Variants in MESD observed in about 807,000 individuals in gnomAD.
MESD encodes mesoderm development LRP chaperone, also known as LRP chaperone MESD.
A neutral mutation model predicts 12.9 loss-of-function variants in MESD; 7 were observed. The observed-to-expected ratio is 0.54, with a 90% CI of 0.31 to 1.02. The LOEUF is 1.02. MESD is among the 50% of genes least tolerant of loss of function. MESD has a pLI of 0.05. For missense variants in MESD, 342 were observed against 296.7 expected (o/e 1.15, Z -1.12); for synonymous variants, 126 against 115.6 (o/e 1.09, Z -0.58).
chr15:80,980,539 G>A (rs74028147), intron 2 of MESD, among the ~76,000 whole-genome samples: 22,097 of 152,052 alleles, frequency 0.15, 1,615 homozygotes, highest in Middle Eastern at 0.19. Flanking sequence ...TATTAACTTT[G>A]TCCCTCAAAG....
In MESD at chr15:80,952,786, A is replaced by C. The variant is rs563467181; in HGVS notation, c.*289-490T>G. ...GCATAAAGTCAGCTGTGCAGTAGAGAGTACACGGCCTCTACCTTCAGGAAA... is the reference window on the plus strand; with the variant it reads ...GCATAAAGTCAGCTGTGCAGTAGAGCGTACACGGCCTCTACCTTCAGGAAA... On this transcript the variant is annotated intron_variant, in intron 3 of 4. Transcript: ENST00000561312. 2.0e-5 allele frequency among the ~76,000 whole-genome samples: 3 copies of C among 152,318 alleles called. No homozygotes were observed. In the South Asian group the frequency reaches 6.2e-4, roughly 32 times the overall value.
intron 3 of MESD, among the ~76,000 whole-genome samples, chr15:80,957,888 C>G (rs1280118193): frequency 6.6e-6 from 1 of 150,444 alleles, no homozygotes; most frequent in African/African-American, 2.5e-5. Context: ...CCCCCACCCC[C>G]ATATTAGGGA....
At chr15:80,980,069 C>G (rs1462345682) in intron 2 of MESD, among the ~76,000 whole-genome samples, 1 of 152,208 alleles carries the variant, frequency 6.6e-6, no homozygotes, top group Non-Finnish European at 1.5e-5. Context: ...CTGGGTGGAG[C>G]CCTAGTGTGG....
intron 3 of MESD, among the ~76,000 whole-genome samples, chr15:80,965,190 C>A (rs2141794253): frequency 6.6e-6 from 1 of 152,272 alleles, no homozygotes; most frequent in Non-Finnish European, 1.5e-5. Flanking sequence ...ATGCAGCCAA[C>A]AGACATATGA....
intron 3 of MESD, among the ~76,000 whole-genome samples, chr15:80,954,368 G>A (rs114999316): frequency 0.012 from 1,830 of 152,302 alleles, 50 homozygotes; most frequent in African/African-American, 0.042. Context: ...CGACCCTAGC[G>A]CAACCCTCCT....
At chr15:80,964,187 C>G (rs1449912441) in intron 3 of MESD, among the ~76,000 whole-genome samples, 1 of 152,124 alleles carries the variant, frequency 6.6e-6, no homozygotes, top group Non-Finnish European at 1.5e-5. Flanking sequence ...AACAGGAACA[C>G]ACAAACAGAG....
intron 3 of MESD, among the ~76,000 whole-genome samples, chr15:80,969,236 A>C (rs1359592525): frequency 1.3e-5 from 2 of 152,152 alleles, no homozygotes; most frequent in Non-Finnish European, 2.9e-5. Context: ...AGACCTGCAC[A>C]CAGTGGGTAG....
chr15:80,975,702 G>A (rs1596232744), downstream of MESD: 1 of 151,976 alleles, frequency 6.6e-6, no homozygotes, highest in Non-Finnish European at 1.5e-5. Flanking sequence ...AAACCAGAAA[G>A]CCTGAGGATG....
At chr15:80,973,639 CAGG>C (rs1199670444), downstream of MESD, among the ~76,000 whole-genome samples, 2 of 152,208 alleles carry the variant, frequency 1.3e-5, no homozygotes, top group Admixed American at 1.3e-4. Flanking sequence ...CCACAGACTG[CAGG>C]AGAAGGTGGT....
intron 3 of MESD, among the ~76,000 whole-genome samples, chr15:80,958,890 C>T (rs1180269522): frequency 3.3e-5 from 5 of 152,076 alleles, no homozygotes; most frequent in East Asian, 3.9e-4. Flanking sequence ...CTAGAGTAGC[C>T]GTGAAGGACT....
intron 3 of MESD, among the ~76,000 whole-genome samples, chr15:80,958,891 G>A (rs763207086): frequency 2.6e-5 from 4 of 152,184 alleles, no homozygotes; most frequent in African/African-American, 4.8e-5. Flanking sequence ...TAGAGTAGCC[G>A]TGAAGGACTT....
At chr15:80,947,643 C>T (rs1042766112) in exon 5 of MESD, 1 of 155,302 alleles carries the variant, frequency 6.4e-6, no homozygotes, top group African/African-American at 2.4e-5. Context: ...CCATTATCAT[C>T]ACAAAAACTA....
chr15:80,966,925 C>A (rs1313623479), intron 3 of MESD, among the ~76,000 whole-genome samples: 1 of 152,176 alleles, frequency 6.6e-6, no homozygotes, highest in African/African-American at 2.4e-5. Context: ...TTAAATTCCT[C>A]TGGGAAATGC....
chr15:80,947,285 C>T (rs564003950), downstream of MESD: 28 of 520,382 alleles, frequency 5.4e-5, no homozygotes, highest in East Asian at 8.1e-4. Context: ...TTATAACTTG[C>T]CACCAGCCAC....
Position 80,981,939 on chromosome 15 carries a change from T to G in MESD, c.446+11A>C. 4 of 1,583,382 alleles carry G rather than the reference T, an allele frequency of 2.5e-6. No individual in the cohort carries two copies. In the South Asian group the frequency reaches 4.4e-5, roughly 18 times the overall value. ...GCCTATGAGTCTCTCAGCTGGTTGT[T>G]GCTGCTTTACCTCTGGACGTCATAG... On this transcript the variant is annotated intron_variant, in intron 2 of 2. Transcript: ENST00000261758.
chr15:80,988,495 A>G (rs1187896580), intron 1 of MESD, among the ~76,000 whole-genome samples: 1 of 152,202 alleles, frequency 6.6e-6, no homozygotes, highest in Non-Finnish European at 1.5e-5. Context: ...CCAAAAAGAG[A>G]CAAGGAGATT....
intron 4 of MESD, chr15:80,948,916 A>T (rs1466978961): frequency 1.9e-6 from 3 of 1,611,204 alleles, no homozygotes; most frequent in African/African-American, 1.3e-5. Context: ...GAAGAAGAAG[A>T]AGTTGTGAGG....
chr15:80,980,640 TA>T (rs372541685), intron 2 of MESD, among the ~76,000 whole-genome samples: 2 of 150,760 alleles, frequency 1.3e-5, no homozygotes, highest in Admixed American at 6.6e-5. Context: ...ACTGAGATAT[TA>T]AAAAAAAACA....
intron 3 of MESD, among the ~76,000 whole-genome samples, chr15:80,953,918 G>A (rs1337877788): frequency 6.6e-6 from 1 of 152,150 alleles, no homozygotes; most frequent in Non-Finnish European, 1.5e-5. Context: ...AGGGTATGCT[G>A]AGTTGGGCAC....
Sources: gnomAD v4.1 joint callset for allele counts (sites outside exome capture counted in the v4.1 genomes callset) on GRCh38, gnomAD v4.1.1 for gene constraint, MANE v1.5 for transcripts, NCBI Gene and HGNC (gene_info 2026-07-23, HGNC 2026-07-21) for gene names.